The following TTLL5 variants were observed in gnomAD, a reference collection of about 807,000 sequenced individuals.
TTLL5 encodes tubulin tyrosine ligase like 5.
A neutral mutation model predicts 168.4 loss-of-function variants in TTLL5; 132 were observed. The observed-to-expected ratio is 0.78, with a 90% CI of 0.68 to 0.91. TTLL5 has a LOEUF of 0.91. Among genes scored for constraint, TTLL5 ranks in the 40% least tolerant of loss-of-function variants. The probability of loss-of-function intolerance (pLI) is 0.00; values close to 1 mark genes in which losing one functional copy is unlikely to be tolerated. For synonymous variants in TTLL5, 546 were observed against 558.6 expected, an observed-to-expected ratio of 0.98 and a Z score of 0.32; for missense variants, 1,545 against 1,581.5, an observed-to-expected ratio of 0.98 and a Z score of 0.39.
At chr14:75,847,093 C>T (rs1319817768) in intron 28 of TTLL5, among the ~76,000 whole-genome samples, 2 of 151,936 alleles carry the variant, frequency 1.3e-5, no homozygotes, top group African/African-American at 4.9e-5. Context: ...CCTCTGCTTC[C>T]CGGGTTCAAT....
rs545095436 is a variant in TTLL5 at position 75,752,342 on chromosome 14, G to A, written c.1488-551G>A. On this transcript the variant is annotated intron_variant, in intron 17 of 31. Coordinates refer to ENST00000298832, the MANE Select transcript of TTLL5 (RefSeq NM_015072.5). ...CTTGGCTGACTGTACTGCAGGATCC[G>A]TGTTGGGCAACTGTGTGGAGAAAGT... 6.6e-5 allele frequency among the ~76,000 whole-genome samples: 10 copies of A among 152,274 alleles called. No individual in the cohort carries two copies. In the South Asian group the frequency reaches 1.5e-3, roughly 22 times the overall value.
chr14:75,708,327 G>A (rs1312536167), intron 9 of TTLL5, among the ~76,000 whole-genome samples: 2 of 151,630 alleles, frequency 1.3e-5, no homozygotes, highest in African/African-American at 4.8e-5. Context: ...CTTTACAGTG[G>A]TTGTACATAC....
At chr14:75,826,296 TACACACAC>T (rs57519882) in intron 28 of TTLL5, among the ~76,000 whole-genome samples, 8 of 139,444 alleles carry the variant, frequency 5.7e-5, no homozygotes, top group South Asian at 2.4e-4. Flanking sequence ...AGGATACGCG[TACACACAC>T]ACACACACAC....
At chr14:75,812,823 G>A (rs576006973) in intron 27 of TTLL5, among the ~76,000 whole-genome samples, 40 of 152,204 alleles carry the variant, frequency 2.6e-4, no homozygotes, top group Non-Finnish European at 5.0e-4. Context: ...TAAGTTTCCC[G>A]TGGATCTTGA....
intron 29 of TTLL5, among the ~76,000 whole-genome samples, chr14:75,873,632 T>C (rs926703708): frequency 2.0e-5 from 3 of 152,252 alleles, no homozygotes; most frequent in Admixed American, 6.5e-5. Context: ...TATACACATA[T>C]ACATACCATG....
intron 23 of TTLL5, among the ~76,000 whole-genome samples, chr14:75,778,064 C>G (rs1268333421): frequency 6.6e-6 from 1 of 151,532 alleles, no homozygotes; most frequent in Non-Finnish European, 1.5e-5. Context: ...TCCTAAGGAT[C>G]TTCAAAATCC....
intron 9 of TTLL5, chr14:75,712,070 A>AC (rs1887119881): frequency 6.6e-6 from 1 of 152,224 alleles, no homozygotes; most frequent in African/African-American, 2.4e-5. Flanking sequence ...AAGACAAGGG[A>AC]TCAGGCTGGT....
intron 28 of TTLL5, among the ~76,000 whole-genome samples, chr14:75,825,036 G>T (rs1566620069): frequency 6.6e-6 from 1 of 152,130 alleles, no homozygotes; most frequent in Non-Finnish European, 1.5e-5. Flanking sequence ...AAGTTGCTTA[G>T]CTTTTCTGAA....
intron 31 of TTLL5, among the ~76,000 whole-genome samples, chr14:75,932,180 TGAGAG>T (rs934810687): frequency 2.0e-5 from 3 of 152,250 alleles, no homozygotes; most frequent in African/African-American, 7.2e-5. Flanking sequence ...TTTGGACTTC[TGAGAG>T]GAAACAGAAA....
chr14:75,764,504 T>C, intron 18 of TTLL5, 111 bp from the exon 19 acceptor site: 1 of 1,301,350 alleles, frequency 7.7e-7, no homozygotes, highest in Non-Finnish European at 1.1e-6. Context: ...TAGAATTCAC[T>C]TGAGTTACCA....
intron 23 of TTLL5, among the ~76,000 whole-genome samples, chr14:75,778,164 A>G (rs980837594): frequency 4.6e-5 from 7 of 152,204 alleles, no homozygotes; most frequent in African/African-American, 1.2e-4. Context: ...ATTATAACAT[A>G]TTGTTAACTA....
intron 29 of TTLL5, among the ~76,000 whole-genome samples, chr14:75,873,670 T>C (rs1343622806): frequency 1.2e-5 from 1 of 81,094 alleles, no homozygotes; most frequent in Non-Finnish European, 2.6e-5. Flanking sequence ...TTTTTTTTTT[T>C]AGTTTTTTTG....
intron 31 of TTLL5, among the ~76,000 whole-genome samples, chr14:75,914,317 C>T (rs2033521637): frequency 6.6e-6 from 1 of 151,600 alleles, no homozygotes; most frequent in African/African-American, 2.4e-5. Flanking sequence ...TCTTCAATCC[C>T]TAGTAATACC....
intron 28 of TTLL5, chr14:75,847,526 T>G (rs1896612208): frequency 6.6e-6 from 1 of 152,072 alleles, no homozygotes; most frequent in Non-Finnish European, 1.5e-5. Context: ...CATTTAATAA[T>G]TAATGTTTAC....
chr14:75,883,454 C>T (rs765752980), intron 30 of TTLL5, among the ~76,000 whole-genome samples: 3 of 152,164 alleles, frequency 2.0e-5, no homozygotes, highest in Non-Finnish European at 4.4e-5. Context: ...TCTAGCAGCC[C>T]TTCTTCAGTT....
intron 24 of TTLL5, among the ~76,000 whole-genome samples, chr14:75,780,268 G>C (rs989184359): frequency 6.6e-6 from 1 of 152,094 alleles, no homozygotes. Context: ...ATTCTTTGTC[G>C]TGTGGGGCTG....
At chr14:75,699,456 A>G (rs1886101063) in intron 7 of TTLL5, among the ~76,000 whole-genome samples, 186 bp downstream of exon 7, 1 of 152,216 alleles carries the variant, frequency 6.6e-6, no homozygotes, top group South Asian at 2.1e-4. Flanking sequence ...AATCTTCTGC[A>G]CCAGCAGTTA....
chr14:75,931,237 C>T (rs1371122912), intron 31 of TTLL5, among the ~76,000 whole-genome samples: 4 of 152,052 alleles, frequency 2.6e-5, no homozygotes, highest in Non-Finnish European at 5.9e-5. Flanking sequence ...GACGTGTCTC[C>T]TGAAGGGATC....
intron 26 of TTLL5, 67 bp from the exon 27 acceptor site, chr14:75,792,849 T>G: frequency 1.4e-6 from 2 of 1,418,006 alleles, no homozygotes; most frequent in South Asian, 3.2e-5. Flanking sequence ...GAGATTTCTG[T>G]CATTATCCTA....
Sources: gnomAD v4.1 joint callset for allele counts (sites outside exome capture counted in the v4.1 genomes callset) on GRCh38, gnomAD v4.1.1 for gene constraint, MANE v1.5 for transcripts, NCBI Gene and HGNC (gene_info 2026-07-23, HGNC 2026-07-21) for gene names.